FARP1: variants seen among roughly 807,000 people sequenced by gnomAD.
FARP1 encodes the protein FERM, ARH/RhoGEF and pleckstrin domain protein 1.
Under a neutral mutation model 128.8 loss-of-function variants are expected in FARP1, and 52 were observed. The observed-to-expected ratio is 0.40, with a 90% CI of 0.32 to 0.51. The LOEUF (loss-of-function observed/expected upper bound fraction) is 0.51, where lower values mean the gene tolerates loss of function less well. Ranked by LOEUF, FARP1 falls within the 20% of genes least tolerant of loss-of-function variation. The probability of loss-of-function intolerance (pLI) is 0.45; values close to 1 mark genes in which losing one functional copy is unlikely to be tolerated. For missense variants in FARP1, 1,333 were observed against 1,367.9 expected (o/e 0.97, Z 0.40); for synonymous variants, 580 against 551.8 (o/e 1.05, Z -0.72).
chr13:98,406,561 T>C lies in FARP1; in HGVS notation c.1415-2777T>C, dbSNP rs146158767. ...ACCACCCTAATTTTGTCGTTCCAAG[T>C]CTGCAGAGCGCACATATTAAGTAGT... On this transcript the variant is annotated intron_variant, in intron 13 of 26. Transcript: ENST00000319562. The C allele has an allele frequency of 3.7e-3, 552 of 148,898 alleles. 2 individuals carry two copies. The highest frequency in any genetic ancestry group is 0.013 in the African/African-American group (537 of 39,978). 9.2% of individuals were successfully genotyped at this position (148,898 alleles called of 1,614,324 possible). A position where few individuals can be genotyped will look rare whatever the true frequency, so the allele number is the denominator to read the frequency against.
At chr13:98,384,935 A>C in intron 7 of FARP1, 91 bp downstream of exon 7, 1 of 767,286 alleles carries the variant, frequency 1.3e-6, no homozygotes, top group Non-Finnish European at 2.3e-6. Context: ...CCCCCACACA[A>C]ACTATTGTGG....
intron 1 of FARP1, among the ~76,000 whole-genome samples, chr13:98,197,695 C>T (rs1278532421): frequency 1.3e-5 from 2 of 151,364 alleles, no homozygotes; most frequent in South Asian, 2.1e-4. Context: ...AGTGCAGTGG[C>T]GCGATCTAGG....
chr13:98,225,480 A>T (rs1350274572), intron 2 of FARP1, among the ~76,000 whole-genome samples: 1 of 152,146 alleles, frequency 6.6e-6, no homozygotes, highest in Non-Finnish European at 1.5e-5. Flanking sequence ...GTGTTTGCTA[A>T]CTGTGGACTC....
In FARP1 at chr13:98,165,202, C is replaced by T. The variant is rs1469544355; in HGVS notation, c.-24+21710C>T. On this transcript the variant is annotated intron_variant, in intron 1 of 26. Transcript: ENST00000319562. Reference sequence around the variant, plus strand: ...TGCACTCCAGCCTGGGTGACAAAGCCAGACTCTGTCTCAAAAAAAAAAAAA... The same window carrying T: ...TGCACTCCAGCCTGGGTGACAAAGCTAGACTCTGTCTCAAAAAAAAAAAAA... Among the ~76,000 whole-genome samples, 6 of 103,286 alleles carry T rather than the reference C, an allele frequency of 5.8e-5. No homozygotes were observed. In the East Asian group the frequency reaches 1.9e-3, roughly 33 times the overall value. The allele number at this position is 103,286 out of a possible 152,430, so 67.8% of individuals were successfully genotyped here. A position where few individuals can be genotyped will look rare whatever the true frequency, so the allele number is the denominator to read the frequency against.
intron 2 of FARP1, among the ~76,000 whole-genome samples, chr13:98,307,023 T>G (rs902092031): frequency 5.3e-5 from 8 of 152,160 alleles, no homozygotes; most frequent in African/African-American, 1.9e-4. Flanking sequence ...GCTGAGAAGC[T>G]CAACAGCTAA....
At chr13:98,394,669 A>C (rs1483367495) in intron 12 of FARP1, among the ~76,000 whole-genome samples, 2 of 152,186 alleles carry the variant, frequency 1.3e-5, no homozygotes, top group African/African-American at 4.8e-5. Flanking sequence ...GTGTGGTGGC[A>C]CATGCCTGTG....
At chr13:98,396,439 TTGAGTGAGGAACAGGAG>T (rs1566289880) in intron 13 of FARP1, 1 of 398,262 alleles carries the variant, frequency 2.5e-6, no homozygotes, top group African/African-American at 2.1e-5. Flanking sequence ...TGGCCTGCGT[TTGAGTGAGGAACAGGAG>T]GAGGATGAGT....
intron 2 of FARP1, among the ~76,000 whole-genome samples, chr13:98,311,156 C>A (rs1381335442): frequency 1.3e-5 from 2 of 152,188 alleles, no homozygotes; most frequent in Non-Finnish European, 2.9e-5. Flanking sequence ...TTCACTGTGG[C>A]CCTGGTGGCC....
chr13:98,351,981 A>T (rs528685629), intron 3 of FARP1, among the ~76,000 whole-genome samples: 193 of 152,324 alleles, frequency 1.3e-3, no homozygotes, highest in African/African-American at 4.6e-3. Flanking sequence ...TGGTTAAAGA[A>T]AAAATACATA....
intron 18 of FARP1, chr13:98,433,300 C>T (rs181423576): frequency 6.6e-6 from 1 of 152,228 alleles, no homozygotes; most frequent in African/African-American, 2.4e-5. Flanking sequence ...ATGGCGGACT[C>T]CTACAAATTA....
chr13:98,426,447 G>C (rs537238927), intron 17 of FARP1, among the ~76,000 whole-genome samples: 2 of 152,286 alleles, frequency 1.3e-5, no homozygotes, highest in Admixed American at 6.5e-5. Flanking sequence ...CCATGATCGC[G>C]CCACTGCACT....
At chr13:98,226,354 G>T (rs543038146) in intron 2 of FARP1, among the ~76,000 whole-genome samples, 5 of 152,114 alleles carry the variant, frequency 3.3e-5, no homozygotes, top group Middle Eastern at 3.4e-3. Flanking sequence ...TTCCCCTTTC[G>T]TAAGGACATG....
rs555047720 is a variant in FARP1 at position 98,221,635 on chromosome 13, G to A, written c.171+8222G>A. 4.7e-4 allele frequency among the ~76,000 whole-genome samples: 71 copies of A among 152,302 alleles called. 1 individual carries two copies. The highest frequency in any genetic ancestry group is 6.5e-4 in the Non-Finnish European group (44 of 68,034). On this transcript the variant is annotated intron_variant, in intron 2 of 26. Coordinates refer to ENST00000319562, the MANE Select transcript of FARP1 (RefSeq NM_005766.4). ...GAAAATTGAGGGGGTTGCACTTTGC[G>A]CTCAGAAATTTTACGTGCATTTTTG...
Position 98,446,749 on chromosome 13 carries a change from C to T in FARP1, c.2988C>T (p.Tyr996=), listed in dbSNP as rs149257625. The change falls in exon 26 of 27, where the codon TAC becomes TAT. Residue 996 remains tyrosine (Y), a synonymous_variant. Transcript: ENST00000319562. Reference sequence around the variant, plus strand: ...AGTCCGAGAACATCCAGAAAGACTACGTGTTCAAGCTGCACTTCAAGTCCC... The same window carrying T: ...AGTCCGAGAACATCCAGAAAGACTATGTGTTCAAGCTGCACTTCAAGTCCC... The part of the protein sequence containing the change: ...PSESENIQKD[Y]VFKLHFKSHV... 245 of 1,614,160 alleles carry T rather than the reference C, an allele frequency of 1.5e-4. No individual in the cohort carries two copies. Among genetic ancestry groups the T allele is most frequent in the Middle Eastern group, 1.2e-3 (7 of 6,062 alleles).
intron 16 of FARP1, among the ~76,000 whole-genome samples, chr13:98,419,692 G>A (rs745460005): frequency 1.3e-5 from 2 of 152,136 alleles, no homozygotes; most frequent in African/African-American, 2.4e-5. Context: ...CATAGAGACT[G>A]CAGGGAATAG....
intron 2 of FARP1, among the ~76,000 whole-genome samples, chr13:98,271,840 A>T (rs1242660263): frequency 6.6e-6 from 1 of 152,142 alleles, no homozygotes; most frequent in Non-Finnish European, 1.5e-5. Context: ...TCAGTATATC[A>T]CTGATTTGGG....
At chr13:98,322,388 A>G (rs1887033925) in intron 2 of FARP1, among the ~76,000 whole-genome samples, 1 of 152,210 alleles carries the variant, frequency 6.6e-6, no homozygotes, top group African/African-American at 2.4e-5. Flanking sequence ...AATACTGGCA[A>G]TGTGAAGGAT....
At chr13:98,244,551 A>G in intron 2 of FARP1, 1 of 1,614,178 alleles carries the variant, frequency 6.2e-7, no homozygotes, top group Non-Finnish European at 8.5e-7. Context: ...TTGGGTACTG[A>G]GATGCTCCAT....
At chr13:98,331,026 TC>T in intron 2 of FARP1, among the ~76,000 whole-genome samples, 1 of 152,298 alleles carries the variant, frequency 6.6e-6, no homozygotes, top group Middle Eastern at 3.4e-3. Flanking sequence ...ATCCTGGCCA[TC>T]GATCAGCATC....
Sources: allele counts gnomAD v4.1 joint callset (sites outside exome capture counted in the v4.1 genomes callset), GRCh38; gene constraint gnomAD v4.1.1; transcripts MANE v1.5; gene names NCBI Gene and HGNC (gene_info 2026-07-23, HGNC 2026-07-21).